ASNS: variants seen among roughly 807,000 people sequenced by gnomAD.
The protein encoded by ASNS is asparagine synthetase [glutamine-hydrolyzing].
In ASNS, 37 loss-of-function variants were observed where a neutral mutation model predicts 62.6. That is an observed-to-expected ratio of 0.59 (90% CI 0.45 to 0.78). The LOEUF is 0.78. Among genes scored for constraint, ASNS ranks in the 30% least tolerant of loss-of-function variants. The probability of loss-of-function intolerance (pLI) is 0.00; values close to 1 mark genes in which losing one functional copy is unlikely to be tolerated. For synonymous variants in ASNS, 207 were observed against 237.9 expected (o/e 0.87, Z 1.19); for missense variants, 520 against 682.4 (o/e 0.76, Z 2.65).
intron 6 of ASNS, 64 bp downstream of exon 6, chr7:97,858,790 T>G: frequency 7.0e-7 from 1 of 1,429,590 alleles, no homozygotes; most frequent in East Asian, 2.3e-5. Flanking sequence ...ACCAAAGGGA[T>G]GGCTACAAAT....
chr7:97,896,739 C>CAT, the ASNS span, among the ~76,000 whole-genome samples: 223 of 31,954 alleles, frequency 7.0e-3, no homozygotes, highest in African/African-American at 0.014. Flanking sequence ...CACACACACA[C>CAT]ACATATATAT....
chr7:97,852,189 C>G lies in ASNS; in HGVS notation c.*70G>C. The G allele has an allele frequency of 6.5e-7, 1 of 1,533,372 alleles. No individual in the cohort carries two copies. Among genetic ancestry groups the G allele is most frequent in the Non-Finnish European group, 8.9e-7 (1 of 1,123,098 alleles). The allele number at this position is 1,533,372 out of a possible 1,614,324, so 95.0% of individuals were successfully genotyped here. ...TTAGCCTGAGTTGACTCTCATTGTTCCCCTATCTACCCACAGTCCCCATCC... is the reference window on the plus strand; with the variant it reads ...TTAGCCTGAGTTGACTCTCATTGTTGCCCTATCTACCCACAGTCCCCATCC... On this transcript the variant is annotated 3_prime_UTR_variant, in exon 13 of 13. Coordinates refer to ENST00000394308, the MANE Select transcript of ASNS (RefSeq NM_001673.5).
the ASNS span, among the ~76,000 whole-genome samples, chr7:97,914,854 G>A: frequency 1.3e-5 from 2 of 152,174 alleles, no homozygotes; most frequent in Non-Finnish European, 2.9e-5. Flanking sequence ...AGAACAAGCT[G>A]GCTGGGGGAT....
intron 2 of ASNS, 154 bp from the exon 3 acceptor site, chr7:97,869,333 G>A (rs1178960128): frequency 4.7e-6 from 4 of 852,150 alleles, no homozygotes; most frequent in Non-Finnish European, 7.1e-6. Flanking sequence ...GCAGGCACAT[G>A]GGAGTAGAGA....
the ASNS span, among the ~76,000 whole-genome samples, chr7:97,895,005 T>C: frequency 0.26 from 40,018 of 151,752 alleles, 5,306 homozygotes; most frequent in East Asian, 0.41. Flanking sequence ...TAATGAGGAA[T>C]GAAAAAGATA....
the ASNS span, among the ~76,000 whole-genome samples, chr7:97,886,356 C>T: frequency 1.3e-5 from 2 of 151,986 alleles, no homozygotes; most frequent in African/African-American, 4.8e-5. Context: ...ACCATGTTGG[C>T]CAGGACGGTC....
chr7:97,889,249 T>C, the ASNS span, among the ~76,000 whole-genome samples: 1 of 152,222 alleles, frequency 6.6e-6, no homozygotes, highest in Non-Finnish European at 1.5e-5. Context: ...CCAAGTGTGG[T>C]GGCTCACGCC....
chr7:97,866,463 G>A (rs555657918), intron 3 of ASNS, among the ~76,000 whole-genome samples: 1 of 152,216 alleles, frequency 6.6e-6, no homozygotes, highest in African/African-American at 2.4e-5. Context: ...TGCAGAGTAA[G>A]AAGGTTTGAT....
chr7:97,909,044 T>C, the ASNS span: 3 of 152,126 alleles, frequency 2.0e-5, no homozygotes, highest in East Asian at 5.8e-4. Flanking sequence ...GATTATCCAA[T>C]CAGTACCACT....
chr7:97,855,822 G>GT (rs975207187), intron 8 of ASNS, among the ~76,000 whole-genome samples: 63 of 152,222 alleles, frequency 4.1e-4, no homozygotes, highest in African/African-American at 1.3e-3. Flanking sequence ...AAGAATAACC[G>GT]TTTTGGTGGT....
chr7:97,910,786 G>C, the ASNS span, among the ~76,000 whole-genome samples: 3 of 152,114 alleles, frequency 2.0e-5, no homozygotes, highest in Non-Finnish European at 2.9e-5. Context: ...ATTTTTAATA[G>C]AGACAGGGTT....
rs781562163 is a variant in ASNS, at chr7:97,856,718, A to G, written c.1002T>C (p.Tyr334=). ...CTGAAGCACGAACTGTTGTAATGTC[A>G]TAAGTTTCCAAGGAAAATATGACTT... ...LDEVIFSLET[Y]DITTVRASVG... Residue 334 remains tyrosine (Y), a synonymous_variant, in exon 8 of 13, where the codon TAT becomes TAC. Coordinates refer to ENST00000394308, the MANE Select transcript of ASNS (RefSeq NM_001673.5). 1.7e-5 allele frequency: 27 copies of G among 1,613,388 alleles called. No homozygotes were observed. The Admixed American group carries it at 2.0e-4, about 12-fold the overall frequency.
At chr7:97,897,877 G>C in the ASNS span, among the ~76,000 whole-genome samples, 1 of 152,124 alleles carries the variant, frequency 6.6e-6, no homozygotes, top group African/African-American at 2.4e-5. Context: ...TGGATGAATG[G>C]ATAAAGAAAA....
the ASNS span, among the ~76,000 whole-genome samples, chr7:97,901,098 T>C: frequency 6.6e-6 from 1 of 152,238 alleles, no homozygotes; most frequent in African/African-American, 2.4e-5. Flanking sequence ...TTCATTCTAG[T>C]AGACGCTGCA....
chr7:97,905,385 G>T, the ASNS span, among the ~76,000 whole-genome samples: 1 of 152,162 alleles, frequency 6.6e-6, no homozygotes, highest in Non-Finnish European at 1.5e-5. Context: ...AAGGGCTGCT[G>T]AATGATACTG....
chr7:97,927,775 T>G, the ASNS span, among the ~76,000 whole-genome samples: 1 of 151,108 alleles, frequency 6.6e-6, no homozygotes, highest in Non-Finnish European at 1.5e-5. Flanking sequence ...CAGAGAAAAT[T>G]CACTCAGAGT....
At chr7:97,918,847 T>G in the ASNS span, among the ~76,000 whole-genome samples, 2 of 152,068 alleles carry the variant, frequency 1.3e-5, no homozygotes, top group African/African-American at 4.8e-5. Flanking sequence ...AAAACCTAGA[T>G]GACGGGTTGA....
upstream of ASNS, among the ~76,000 whole-genome samples, chr7:97,875,671 C>T (rs534888220): frequency 7.9e-5 from 12 of 152,276 alleles, 1 homozygote; most frequent in South Asian, 1.5e-3. Context: ...TTGGACAAAA[C>T]GGATCACAGA....
intron 3 of ASNS, among the ~76,000 whole-genome samples, chr7:97,868,659 A>T (rs533131475): frequency 6.6e-6 from 1 of 152,212 alleles, no homozygotes; most frequent in Non-Finnish European, 1.5e-5. Flanking sequence ...AGCTGGGGAG[A>T]AGGAGAAAAA....
Sources: allele counts gnomAD v4.1 joint callset (sites outside exome capture counted in the v4.1 genomes callset), GRCh38; gene constraint gnomAD v4.1.1; transcripts MANE v1.5; gene names NCBI Gene and HGNC (gene_info 2026-07-23, HGNC 2026-07-21).